Variants in SCEL observed in about 807,000 individuals in gnomAD.
SCEL encodes the protein sciellin.
A neutral mutation model predicts 117.6 loss-of-function variants in SCEL; 113 were observed. The ratio of observed to expected loss-of-function variants is 0.96; its 90% CI spans 0.83 to 1.12. The LOEUF (loss-of-function observed/expected upper bound fraction) is 1.12, where lower values mean the gene tolerates loss of function less well. Ranked by LOEUF, SCEL falls within the 50% of genes most tolerant of loss-of-function variation. The pLI, the probability that SCEL is intolerant of heterozygous loss-of-function variation, is 0.00. For missense variants in SCEL, 785 were observed against 810.8 expected (o/e 0.97, Z 0.39); for synonymous variants, 270 against 256.2 (o/e 1.05, Z -0.51).
At chr13:77,636,305 T>A (rs149830700) in intron 29 of SCEL, among the ~76,000 whole-genome samples, 21 of 152,164 alleles carry the variant, frequency 1.4e-4, no homozygotes, top group Non-Finnish European at 2.4e-4. Context: ...TATGTGCAAA[T>A]TTTTTTGTAG....
intron 9 of SCEL, among the ~76,000 whole-genome samples, chr13:77,576,934 G>C (rs2085975873): frequency 6.6e-6 from 1 of 151,996 alleles, no homozygotes; most frequent in South Asian, 2.1e-4. Flanking sequence ...CTGGCTTTCT[G>C]CTTGCCTGTT....
chr13:77,634,380 T>C lies in SCEL; in HGVS notation c.1693T>C (p.Ser565Pro), dbSNP rs762183346. The C allele has an allele frequency of 6.2e-7, 1 of 1,612,864 alleles. No individual in the cohort carries two copies. The highest frequency in any genetic ancestry group is 8.5e-7 in the Non-Finnish European group (1 of 1,179,062). The change falls in exon 29 of 33, where the codon TCT (serine) becomes CCT (proline). Residue 565 changes from serine (S) to proline (P), a missense_variant and splice_region_variant. Ser to Pro is a moderately conservative substitution (Grantham distance 74, BLOSUM62 -1). Coordinates refer to ENST00000349847, the MANE Select transcript of SCEL (RefSeq NM_144777.3). ...SHVSENKNGSSNTGAKQAGPQ... is the reference protein window; with the variant it reads ...SHVSENKNGSPNTGAKQAGPQ... ...GAAGTAAAATGATTTGTTTTGCAGC[T>C]CTAACACTGGAGCCAAGCAGGCAGG...
chr13:77,559,173 C>T (rs1175917867), intron 3 of SCEL, among the ~76,000 whole-genome samples: 2 of 152,284 alleles, frequency 1.3e-5, no homozygotes, highest in African/African-American at 4.8e-5. Context: ...CACAAAATCC[C>T]CTATCAGTTT....
chr13:77,618,917 A>AT (rs1216080050), intron 27 of SCEL, among the ~76,000 whole-genome samples: 2 of 152,124 alleles, frequency 1.3e-5, no homozygotes, highest in African/African-American at 4.8e-5. Flanking sequence ...AATATTACCA[A>AT]TTTTAACCAT....
At chr13:77,628,387 G>A (rs977835117) in intron 28 of SCEL, among the ~76,000 whole-genome samples, 1 of 151,990 alleles carries the variant, frequency 6.6e-6, no homozygotes, top group African/African-American at 2.4e-5. Context: ...TCTCAGCAGT[G>A]CAGAAAGCAC....
At chr13:77,544,947 G>A (rs933232244) in intron 1 of SCEL, among the ~76,000 whole-genome samples, 5 of 152,186 alleles carry the variant, frequency 3.3e-5, no homozygotes, top group Non-Finnish European at 7.4e-5. Context: ...GCCACAAAGA[G>A]GAAATGAAAG....
intron 29 of SCEL, 87 bp downstream of exon 29, chr13:77,634,537 T>C: frequency 2.2e-6 from 2 of 912,660 alleles, no homozygotes; most frequent in East Asian, 2.7e-5. Flanking sequence ...TGTTTTAGAG[T>C]GTGCTTCTTT....
At chr13:77,620,382 T>G (rs1485524688) in intron 27 of SCEL, among the ~76,000 whole-genome samples, 1 of 152,178 alleles carries the variant, frequency 6.6e-6, no homozygotes, top group Non-Finnish European at 1.5e-5. Flanking sequence ...CACTGTTATA[T>G]CAATTCAGTG....
chr13:77,581,108 A>C (rs1018595975), intron 9 of SCEL, among the ~76,000 whole-genome samples: 2 of 152,258 alleles, frequency 1.3e-5, no homozygotes, highest in East Asian at 1.9e-4. Context: ...AAAGCAATAC[A>C]TCTTATTTTT....
intron 9 of SCEL, among the ~76,000 whole-genome samples, chr13:77,575,471 C>T (rs573950842): frequency 6.6e-6 from 1 of 152,126 alleles, no homozygotes; most frequent in South Asian, 2.1e-4. Context: ...TTAAAATTAT[C>T]ATATTTTATA....
At chr13:77,575,959 TCTC>T (rs1358956522) in intron 9 of SCEL, among the ~76,000 whole-genome samples, 2 of 152,204 alleles carry the variant, frequency 1.3e-5, no homozygotes, top group Non-Finnish European at 2.9e-5. Context: ...TTCCTCTGTC[TCTC>T]CTCCTACCTC....
chr13:77,584,288 A>G (rs1161249597), intron 9 of SCEL, among the ~76,000 whole-genome samples: 2 of 151,894 alleles, frequency 1.3e-5, no homozygotes, highest in South Asian at 2.1e-4. Context: ...TGCCCGCCCC[A>G]CCCCAGGGCT....
chr13:77,563,779 T>A (rs1168836291), intron 4 of SCEL, 52 bp from the exon 5 acceptor site: 3 of 1,424,960 alleles, frequency 2.1e-6, no homozygotes, highest in Non-Finnish European at 2.9e-6. Context: ...TATAAACTTT[T>A]TTTTTGTAAT....
In SCEL at chr13:77,621,308, T is replaced by C. The variant is rs546256215; in HGVS notation, c.1628+3248T>C. Reference sequence around the variant, plus strand: ...ACCACGATCTGGCATCTATGGGCTTTCCCACTCCCGTCTATTATCGTTCTC... The same window carrying C: ...ACCACGATCTGGCATCTATGGGCTTCCCCACTCCCGTCTATTATCGTTCTC... On this transcript the variant is annotated intron_variant, in intron 27 of 32. Coordinates refer to ENST00000349847, the MANE Select transcript of SCEL (RefSeq NM_144777.3). Among the ~76,000 whole-genome samples the C allele has an allele frequency of 4.0e-4, 61 of 152,272 alleles. No individual in the cohort carries two copies. The South Asian group carries it at 0.012, about 31-fold the overall frequency.
intron 11 of SCEL, among the ~76,000 whole-genome samples, chr13:77,592,027 T>C (rs1180493180): frequency 6.6e-6 from 1 of 152,176 alleles, no homozygotes; most frequent in Non-Finnish European, 1.5e-5. Context: ...TTCTCCCTTT[T>C]CTAAGGAAAA....
chr13:77,547,778 A>G (rs2084076407), intron 1 of SCEL, among the ~76,000 whole-genome samples: 1 of 152,234 alleles, frequency 6.6e-6, no homozygotes, highest in Non-Finnish European at 1.5e-5. Flanking sequence ...GCCTGGTTAA[A>G]TGAGAACAAG....
chr13:77,604,145 A>T (rs1400477755), intron 18 of SCEL: 1 of 368,896 alleles, frequency 2.7e-6, no homozygotes, highest in African/African-American at 2.2e-5. Flanking sequence ...ACAAAACAAA[A>T]AATCAGATTT....
intron 31 of SCEL, among the ~76,000 whole-genome samples, chr13:77,641,730 C>T (rs951784637): frequency 4.6e-5 from 7 of 152,246 alleles, no homozygotes; most frequent in East Asian, 3.9e-4. Flanking sequence ...CAACATTCTA[C>T]GGTTGATACA....
intron 31 of SCEL, among the ~76,000 whole-genome samples, chr13:77,641,653 C>G (rs1309655106): frequency 6.6e-6 from 1 of 152,108 alleles, no homozygotes; most frequent in East Asian, 1.9e-4. Context: ...TTAAAAAGCT[C>G]CTTGATTAAT....
Sources: allele counts gnomAD v4.1 joint callset (sites outside exome capture counted in the v4.1 genomes callset), GRCh38; gene constraint gnomAD v4.1.1; transcripts MANE v1.5; gene names NCBI Gene and HGNC (gene_info 2026-07-23, HGNC 2026-07-21).